ZNF630: variants seen among roughly 807,000 people sequenced by gnomAD.
ZNF630 encodes the protein dJ54B20.2 (novel KRAB box containing C2H2 type zinc finger protein).
Under a neutral mutation model 7.2 loss-of-function variants are expected in ZNF630, and 5 were observed. The observed-to-expected ratio is 0.70, with a 90% confidence interval of 0.36 to 1.46. The LOEUF (loss-of-function observed/expected upper bound fraction) is 1.46. ZNF630 is among the 40% of genes most tolerant of loss of function. ZNF630 has a pLI of 0.03. For missense variants in ZNF630, 461 were observed against 477.0 expected (o/e 0.97, Z 0.31); for synonymous variants, 158 against 162.8 (o/e 0.97, Z 0.23).
At chrX:48,060,234 TACACACACACAC>T (rs56253151) in intron 4 of ZNF630, 31 bp from the exon 5 acceptor site, 155,011 of 495,700 alleles carry the variant, frequency 0.31, 12,019 homozygotes, top group East Asian at 0.49. Context: ...GAAAATCAAA[TACACACACACAC>T]ACACACACAC....
chrX:48,066,861 A>G lies in ZNF630; in HGVS notation c.15+11T>C, dbSNP rs782033680. ...GTTGTGGGAAAACCAAGTGGCAAAC[A>G]AATAACTTACCTGGGACTCAATCAT... On this transcript the variant is annotated intron_variant, in intron 2 of 4. Transcript: ENST00000276054. 1 of 1,208,138 alleles carries G rather than the reference A, an allele frequency of 8.3e-7. No homozygotes were observed. The highest frequency in any genetic ancestry group is 1.1e-6 in the Non-Finnish European group (1 of 892,906).
At position 48,066,425 on chromosome X, in the gene ZNF630, G is replaced by A. The variant is rs782168453; in HGVS notation, c.15+447C>T. On this transcript the variant is annotated intron_variant, in intron 2 of 4. Transcript: ENST00000276054. ...CTGAGATGACAGCAAAGGAGCCATG[G>A]AAAACAAGGAAACTATCCCACTCTC... is the stretch of plus-strand genomic sequence containing the variant. The A allele has an allele frequency of 1.1e-3, 130 of 113,476 alleles. 3 individuals are homozygous for A. Among genetic ancestry groups the A allele is most frequent in the Non-Finnish European group, 9.2e-4 (51 of 55,255 alleles). 9.4% of individuals were successfully genotyped at this position (113,476 alleles called of 1,213,427 possible). A position where few individuals can be genotyped will look rare whatever the true frequency, so the allele number is the denominator to read the frequency against.
chrX:48,062,956 A>G (rs202010094), intron 2 of ZNF630, among the ~76,000 whole-genome samples: 72 of 49,504 alleles, frequency 1.5e-3, no homozygotes, highest in African/African-American at 5.7e-3. Context: ...GAAAGAAAGA[A>G]AGAGAGAGAG....
chrX:48,060,116 T>C lies in ZNF630; in HGVS notation c.326A>G (p.Asp109Gly). Reference sequence around the variant, plus strand: ...TTTTAAAACAGAGTACAATGAATTATCCTTTGGGGCTCTTTCTAGTATCTC... The same window carrying C: ...TTTTAAAACAGAGTACAATGAATTACCCTTTGGGGCTCTTTCTAGTATCTC... ...QREILERAPK[D>G]NSLYSVLKIW... is the part of the protein sequence containing the mutation. The change falls in exon 5 of 5, where the codon GAT (aspartate) becomes GGT (glycine). Residue 109 changes from aspartate (D) to glycine (G), a missense_variant. Asp to Gly is a moderately conservative substitution (Grantham distance 94). Coordinates refer to ENST00000276054, the MANE Select transcript of ZNF630 (RefSeq NM_001282201.2). 1 of 1,179,182 alleles carries C rather than the reference T, an allele frequency of 8.5e-7. No homozygotes were observed. The highest frequency in any genetic ancestry group is 1.1e-6 in the Non-Finnish European group (1 of 877,120).
rs1433111093 is a variant in ZNF630 at position 48,069,306 on chromosome X, T to TG, written c.-176+1960dup. ...TACCATGTAGATCACACATTCTCACTGGGGGGTGATACTGCCCCCAAGGGG... is the reference window on the plus strand; with the variant it reads ...TACCATGTAGATCACACATTCTCACTGGGGGGGTGATACTGCCCCCAAGGGG... On this transcript the variant is annotated intron_variant, in intron 1 of 4. Coordinates refer to ENST00000276054, the MANE Select transcript of ZNF630 (RefSeq NM_001282201.2). Among the ~76,000 whole-genome samples, 4 of 107,500 alleles carry TG rather than the reference T, an allele frequency of 3.7e-5. 1 individual carries two copies. Among genetic ancestry groups the TG allele is most frequent in the African/African-American group, 1.4e-4 (4 of 29,381 alleles). 93.4% of individuals were successfully genotyped at this position (107,500 alleles called of 115,157 possible).
At chrX:48,069,284 C>G (rs1556910615) in intron 1 of ZNF630, among the ~76,000 whole-genome samples, 2 of 108,596 alleles carry the variant, frequency 1.8e-5, no homozygotes, top group African/African-American at 6.7e-5. Flanking sequence ...AAAAAAATAC[C>G]ATGTAGATCA....
intron 2 of ZNF630, among the ~76,000 whole-genome samples, chrX:48,065,563 A>C (rs1445582837): frequency 2.8e-5 from 3 of 108,479 alleles, no homozygotes; most frequent in African/African-American, 1.0e-4. Flanking sequence ...GGCACTTGTA[A>C]TCCCAGCTAC....
chrX:48,060,858 C>T lies in ZNF630; in HGVS notation c.103G>A (p.Asp35Asn). The T allele has an allele frequency of 8.3e-7, 1 of 1,205,375 alleles. No homozygotes were observed. The change falls in exon 3 of 5, where the codon GAT becomes AAT. Residue 35 changes from aspartate (D) to asparagine (N), a missense_variant. Physicochemically the swap from Asp to Asn is conservative, Grantham distance 23. Coordinates refer to ENST00000276054, the MANE Select transcript of ZNF630 (RefSeq NM_001282201.2). ...TGATTATAGGTCTCCAGCATCACAT[C>T]CCTATGCAGGGTCTTCTGAGCAGGA... ...LNPAQKTLHR[D>N]VMLETYNHLV... is the part of the protein sequence containing the mutation.
rs2059076586 is a variant in ZNF630 at position 48,057,766 on chromosome X, C to T, written c.*702G>A. Among the ~76,000 whole-genome samples the T allele has an allele frequency of 9.0e-6, 1 of 111,138 alleles. No homozygotes were observed. The highest frequency in any genetic ancestry group is 1.9e-5 in the Non-Finnish European group (1 of 53,005). On this transcript the variant is annotated 3_prime_UTR_variant, in exon 5 of 5. Coordinates refer to ENST00000276054, the MANE Select transcript of ZNF630 (RefSeq NM_001282201.2). ...ATATATCAATATCTCAATCTAAATG[C>T]ATATATAGGTCAGGTGCTGTGGCTC...
intron 2 of ZNF630, among the ~76,000 whole-genome samples, chrX:48,063,852 C>T (rs782476298): frequency 9.9e-5 from 11 of 110,986 alleles, no homozygotes; most frequent in Non-Finnish European, 1.9e-4. Context: ...CATGCCACTG[C>T]ACTCCAACCT....
chrX:48,068,725 T>C (rs491034), intron 1 of ZNF630, among the ~76,000 whole-genome samples: 36,239 of 109,784 alleles, frequency 0.33, 5,081 homozygotes, highest in South Asian at 0.44. Context: ...GGGCCATGAG[T>C]TGATGACTGA....
intron 2 of ZNF630, chrX:48,066,455 C>G: frequency 8.1e-6 from 1 of 123,401 alleles, no homozygotes. Flanking sequence ...ACTCTCCAAG[C>G]CCCTGCCAGA....
At chrX:48,065,009 A>G (rs2059123540) in intron 2 of ZNF630, among the ~76,000 whole-genome samples, 2 of 112,416 alleles carry the variant, frequency 1.8e-5, no homozygotes, top group Admixed American at 9.4e-5. Flanking sequence ...CCCTCTACAG[A>G]AAAAGTTTGC....
intron 1 of ZNF630, among the ~76,000 whole-genome samples, chrX:48,068,465 C>T (rs782616787): frequency 6.3e-5 from 7 of 111,700 alleles, no homozygotes; most frequent in Non-Finnish European, 1.3e-4. Flanking sequence ...TGAAAGTAGC[C>T]CTAGACAATA....
At chrX:48,069,173 G>A (rs782773039) in intron 1 of ZNF630, among the ~76,000 whole-genome samples, 13 of 108,351 alleles carry the variant, frequency 1.2e-4, no homozygotes, top group East Asian at 5.8e-4. Context: ...TCCGGGAGGC[G>A]GAGGTTGCAA....
Position 48,058,678 on chromosome X carries a change from T to G in ZNF630, c.1764A>C (p.Ile588=). ...KAFCGKSPLI[I]HQKTHPREKT... ...TCTCCCTAGGATGAGTTTTCTGATG[T>G]ATAATGAGTGGAGACTTTCCACAGA... The change falls in exon 5 of 5, where the codon ATA becomes ATC. Residue 588 remains isoleucine (I), a synonymous_variant. Transcript: ENST00000276054. 8.3e-7 allele frequency: 1 copy of G among 1,207,350 alleles called. No individual in the cohort carries two copies.
chrX:48,062,462 G>A (rs1157184694), intron 2 of ZNF630, among the ~76,000 whole-genome samples: 2 of 112,658 alleles, frequency 1.8e-5, no homozygotes, highest in African/African-American at 6.5e-5. Flanking sequence ...GGCCAGATGT[G>A]GTGGCTCACG....
In ZNF630 at chrX:48,060,552, A is replaced by G; in HGVS notation, c.143-7T>C. On this transcript the variant is annotated splice_region_variant and splice_polypyrimidine_tract_variant and intron_variant, in intron 3 of 4. Coordinates refer to ENST00000276054, the MANE Select transcript of ZNF630 (RefSeq NM_001282201.2). Reference sequence around the variant, plus strand: ...GGTTTTATACCTGAACACCCTGTTAAGAGAAAATTGTAGTGGCTTTGGCCT... The same window carrying G: ...GGTTTTATACCTGAACACCCTGTTAGGAGAAAATTGTAGTGGCTTTGGCCT... 1 of 1,192,614 alleles carries G rather than the reference A, an allele frequency of 8.4e-7. No homozygotes were observed. The highest frequency in any genetic ancestry group is 1.1e-6 in the Non-Finnish European group (1 of 883,947).
intron 1 of ZNF630, among the ~76,000 whole-genome samples, chrX:48,067,806 A>G (rs1376463604): frequency 1.8e-5 from 2 of 111,045 alleles, no homozygotes; most frequent in African/African-American, 6.6e-5. Flanking sequence ...GCACAGCTGT[A>G]AGCCCAGCAC....
Sources: gnomAD v4.1 joint callset for allele counts (sites outside exome capture counted in the v4.1 genomes callset) on GRCh38, gnomAD v4.1.1 for gene constraint, MANE v1.5 for transcripts, NCBI Gene and HGNC (gene_info 2026-07-23, HGNC 2026-07-21) for gene names.